Variants in NEDD9 observed in about 807,000 individuals in gnomAD.
NEDD9 encodes neural precursor cell expressed, developmentally down-regulated 9, also known as enhancer of filamentation 1.
Under a neutral mutation model 76.6 loss-of-function variants are expected in NEDD9, and 26 were observed. That is an observed-to-expected ratio of 0.34 (90% confidence interval 0.25 to 0.47). The LOEUF (loss-of-function observed/expected upper bound fraction) is 0.47. Ranked by LOEUF, NEDD9 falls within the 20% of genes least tolerant of loss-of-function variation. The pLI, the probability that NEDD9 is intolerant of heterozygous loss-of-function variation, is 1.00. For missense variants in NEDD9, 937 were observed against 1,058.5 expected (o/e 0.89, Z 1.59); for synonymous variants, 392 against 414.2 (o/e 0.95, Z 0.65).
intron 2 of NEDD9, among the ~76,000 whole-genome samples, chr6:11,306,474 CA>C (rs1247569219): frequency 5.9e-5 from 9 of 152,168 alleles, no homozygotes; most frequent in African/African-American, 2.2e-4. Flanking sequence ...GGTGAGGGCA[CA>C]AAGGAAGGTC....
At chr6:11,311,060 C>A (rs1761351826) in intron 2 of NEDD9, among the ~76,000 whole-genome samples, 2 of 152,248 alleles carry the variant, frequency 1.3e-5, no homozygotes, top group African/African-American at 2.4e-5. Flanking sequence ...TCCTGACTTG[C>A]TCCCAGCAGT....
Position 11,241,184 on chromosome 6 carries a change from G to A in NEDD9, c.13-27457C>T, listed in dbSNP as rs1262682955. Reference sequence around the variant, plus strand: ...AGAGTGGCCGTCTCCTCTTTCCGGAGGCACTGCCCAAACACAATCATCTTG... The same window carrying A: ...AGAGTGGCCGTCTCCTCTTTCCGGAAGCACTGCCCAAACACAATCATCTTG... On this transcript the variant is annotated intron_variant, in intron 3 of 3. Transcript: ENST00000397378. This position sits in a 1 kb window ranked among gnomAD's most constrained non-coding sequence, Gnocchi z 4.0. Among the ~76,000 whole-genome samples the A allele has an allele frequency of 6.6e-6, 1 of 152,128 alleles. No homozygotes were observed. The highest frequency in any genetic ancestry group is 1.5e-5 in the Non-Finnish European group (1 of 68,024).
chr6:11,218,930 A>G (rs75527435), intron 1 of NEDD9, among the ~76,000 whole-genome samples: 1,734 of 152,302 alleles, frequency 0.011, 43 homozygotes, highest in African/African-American at 0.039. Context: ...AGGAAGGCCA[A>G]GAGGAACTGA....
chr6:11,305,305 G>T (rs1761153327), intron 3 of NEDD9: 2 of 421,868 alleles, frequency 4.7e-6, no homozygotes, highest in South Asian at 2.2e-5. Context: ...CAGAAACAGA[G>T]ATTCAAAAGG....
Position 11,291,368 on chromosome 6 carries a change from G to T in NEDD9, c.12+14624C>A, listed in dbSNP as rs192693572. 4.9e-4 allele frequency among the ~76,000 whole-genome samples: 69 copies of T among 141,480 alleles called. 1 individual carries two copies. The East Asian group carries it at 0.013, about 27-fold the overall frequency. 92.8% of individuals were successfully genotyped at this position (141,480 alleles called of 152,430 possible). A position where few individuals can be genotyped will look rare whatever the true frequency, so the allele number is the denominator to read the frequency against. ...CTGCTCACTGCAAGCTCCGCCTCCC[G>T]GGTTCACGCCATTCTCCTGCCTCAG... is the stretch of plus-strand genomic sequence containing the variant. On this transcript the variant is annotated intron_variant, in intron 3 of 3. Coordinates refer to the NEDD9 transcript ENST00000397378.
At chr6:11,369,596 C>A (rs1009593560) in intron 1 of NEDD9, among the ~76,000 whole-genome samples, 10 of 152,180 alleles carry the variant, frequency 6.6e-5, no homozygotes, top group African/African-American at 2.2e-4. Flanking sequence ...TATCTAAAGA[C>A]AGACAATGTC....
intron 2 of NEDD9, among the ~76,000 whole-genome samples, chr6:11,203,585 A>G (rs375105628): frequency 2.0e-5 from 3 of 152,356 alleles, no homozygotes; most frequent in East Asian, 1.9e-4. Flanking sequence ...TCGTGTCCAG[A>G]GACAACAGGC....
chr6:11,335,217 A>G (rs750350909), intron 1 of NEDD9, among the ~76,000 whole-genome samples: 1 of 152,234 alleles, frequency 6.6e-6, no homozygotes, highest in Non-Finnish European at 1.5e-5. Flanking sequence ...CATGCAATGA[A>G]AAGTGGATTT....
chr6:11,283,281 T>G (rs1760576442), intron 3 of NEDD9, among the ~76,000 whole-genome samples: 1 of 148,066 alleles, frequency 6.8e-6, no homozygotes, highest in Admixed American at 6.6e-5. Flanking sequence ...AACCTTTGTG[T>G]TTATTTGCTG....
intron 1 of NEDD9, among the ~76,000 whole-genome samples, chr6:11,231,500 T>C (rs1279448636): frequency 6.6e-6 from 1 of 152,226 alleles, no homozygotes; most frequent in Non-Finnish European, 1.5e-5. Flanking sequence ...GTACAGTTAA[T>C]ATAAATTGTC....
At chr6:11,236,267 G>A (rs1759597631), upstream of NEDD9, among the ~76,000 whole-genome samples, 3 of 152,128 alleles carry the variant, frequency 2.0e-5, no homozygotes, top group African/African-American at 4.8e-5. The surrounding 1 kb of genome is among the most constrained non-coding windows in gnomAD (Gnocchi z 5.5). Flanking sequence ...CCAGCACTCC[G>A]GTGGGCATCC....
intron 3 of NEDD9, among the ~76,000 whole-genome samples, chr6:11,260,274 C>T (rs77283803): frequency 1.3e-3 from 192 of 152,214 alleles, no homozygotes; most frequent in Non-Finnish European, 2.3e-3. Flanking sequence ...CCTTGCAAAC[C>T]TCTGTCCTAG....
intron 3 of NEDD9, among the ~76,000 whole-genome samples, chr6:11,305,674 A>G (rs577503259): frequency 1.1e-4 from 17 of 152,340 alleles, no homozygotes; most frequent in Non-Finnish European, 2.4e-4. Context: ...CTGAATGAAT[A>G]GTTCAGTGAG....
At chr6:11,189,023 T>G (rs1434424486) in intron 5 of NEDD9, among the ~76,000 whole-genome samples, 1 of 151,260 alleles carries the variant, frequency 6.6e-6, no homozygotes, top group African/African-American at 2.4e-5. Context: ...CTTAGCTCAC[T>G]GCAACCTCCG....
rs761466502 is a variant in NEDD9 at position 11,191,137 on chromosome 6, G to A, written c.732C>T (p.Pro244=). ...AGLREKDYDF[P]PPMRQAGRPD... is the part of the protein sequence containing the mutation. ...GCCTTCCAGCTTGTCTCATGGGAGG[G>A]GGGAAGTCATAGTCTTTTTCCCTAA... The change falls in exon 5 of 7, where the codon CCC becomes CCT. Residue 244 remains proline, a synonymous_variant. Coordinates refer to ENST00000379446, the MANE Select transcript of NEDD9 (RefSeq NM_006403.4). The A allele has an allele frequency of 5.6e-6, 9 of 1,613,922 alleles. No homozygotes were observed. The South Asian group carries it at 8.8e-5, about 16-fold the overall frequency.
At chr6:11,355,463 G>A (rs952948220) in intron 1 of NEDD9, among the ~76,000 whole-genome samples, 5 of 152,162 alleles carry the variant, frequency 3.3e-5, no homozygotes, top group East Asian at 1.9e-4. Context: ...TGTGGGTGTC[G>A]TGAAGTCTCC....
chr6:11,321,064 T>G (rs1582027684), intron 2 of NEDD9, among the ~76,000 whole-genome samples: 1 of 134,196 alleles, frequency 7.5e-6, no homozygotes, highest in African/African-American at 2.8e-5. Context: ...AGAGAGAGAA[T>G]GAAGGGAGGG....
At chr6:11,349,233 C>A (rs1206802927) in intron 1 of NEDD9, among the ~76,000 whole-genome samples, 2 of 152,148 alleles carry the variant, frequency 1.3e-5, no homozygotes, top group Non-Finnish European at 2.9e-5. Flanking sequence ...TATCTCACAC[C>A]AGTCAGAATG....
intron 2 of NEDD9, among the ~76,000 whole-genome samples, chr6:11,332,051 G>A (rs1019046786): frequency 2.6e-5 from 4 of 152,222 alleles, no homozygotes; most frequent in African/African-American, 9.6e-5. Context: ...GAAGCAACAT[G>A]TCTTTCATGA....
Sources: gnomAD v4.1 joint callset for allele counts (sites outside exome capture counted in the v4.1 genomes callset) on GRCh38, gnomAD v4.1.1 for gene constraint, Gnocchi (gnomAD v3.1) non-coding constraint, MANE v1.5 for transcripts, NCBI Gene and HGNC (gene_info 2026-07-23, HGNC 2026-07-21) for gene names.